The following SLC66A2 variants were observed in gnomAD, a reference collection of about 807,000 sequenced individuals.
SLC66A2 encodes the protein solute carrier family 66 member 2.
A neutral mutation model predicts 25.5 loss-of-function variants in SLC66A2; 23 were observed. The observed-to-expected ratio is 0.90, with a 90% CI of 0.65 to 1.28. The LOEUF is 1.28. Among genes scored for constraint, SLC66A2 ranks in the 50% most tolerant of loss-of-function variants. The probability of loss-of-function intolerance (pLI) is 0.00; values close to 1 mark genes in which losing one functional copy is unlikely to be tolerated. For missense variants in SLC66A2, 396 were observed against 373.1 expected, an observed-to-expected ratio of 1.06 and a Z score of -0.51; for synonymous variants, 193 against 166.5, an observed-to-expected ratio of 1.16 and a Z score of -1.23.
At position 79,940,329 on chromosome 18, in the gene SLC66A2, G is replaced by A. The variant is rs151152431; in HGVS notation, c.337+3000C>T. ...GAAATAATCTGCACACTGGCCGGGC[G>A]CAGTGGGTCACGCCCGTAATGCCAG... On this transcript the variant is annotated intron_variant, in intron 3 of 5. Coordinates refer to ENST00000397778, the MANE Select transcript of SLC66A2 (RefSeq NM_025078.5). The surrounding 1 kb of genome is among the most constrained non-coding windows in gnomAD (Gnocchi z 4.1). 0.013 allele frequency among the ~76,000 whole-genome samples: 1,919 copies of A among 152,210 alleles called. 12 individuals carry two copies. Among genetic ancestry groups the A allele is most frequent in the Non-Finnish European group, 0.021 (1,448 of 67,992 alleles).
chr18:79,927,535 C>A lies in SLC66A2; in HGVS notation c.391+6434G>T, dbSNP rs180984445. 9.7e-4 allele frequency among the ~76,000 whole-genome samples: 147 copies of A among 152,318 alleles called. 2 individuals carry two copies. In the South Asian group the frequency reaches 0.019, roughly 20 times the overall value. ...TAGCCTTCGAGGCCGGCACTGGCCT[C>A]GCTGACCCCTCTAATCCTGCCACCT... On this transcript the variant is annotated intron_variant, in intron 4 of 5. Transcript: ENST00000397778. This position sits in a 1 kb window ranked among gnomAD's most constrained non-coding sequence, Gnocchi z 6.2.
At chr18:79,942,107 G>A (rs901015559) in intron 3 of SLC66A2, among the ~76,000 whole-genome samples, 7 of 152,214 alleles carry the variant, frequency 4.6e-5, no homozygotes, top group Non-Finnish European at 1.0e-4. Flanking sequence ...ATGTAAAACC[G>A]CAGCTCCTCA....
chr18:79,930,253 C>G (rs1986430692), intron 4 of SLC66A2: 2 of 152,032 alleles, frequency 1.3e-5, no homozygotes, highest in African/African-American at 4.8e-5. Context: ...AGATTAACAG[C>G]TGACTTCTCA....
chr18:79,919,051 C>G lies in SLC66A2; in HGVS notation c.608+133G>C. The G allele has an allele frequency of 6.0e-6, 5 of 831,444 alleles. No individual in the cohort carries two copies. The South Asian group carries it at 8.3e-5, about 14-fold the overall frequency. 51.5% of individuals were successfully genotyped at this position (831,444 alleles called of 1,614,324 possible). On this transcript the variant is annotated intron_variant, in intron 5 of 5. Transcript: ENST00000397778. ...GGCCAAGGCCTATAAACCTGCTATT[C>G]TTTAACCGGCAGCTTCACAGGTCAA...
rs1430414349 is a variant in SLC66A2 at position 79,917,270 on chromosome 18, GAAC to G, written c.608+1911_608+1913del. On this transcript the variant is annotated intron_variant, in intron 5 of 5. Transcript: ENST00000397778. This position sits in a 1 kb window ranked among gnomAD's most constrained non-coding sequence, Gnocchi z 6.0. ...GGGGCAGCCCCTGGGCTGAGACCTT[GAAC>G]AACATGCCTGCGCTGAACAGCAAAA... Among the ~76,000 whole-genome samples the G allele has an allele frequency of 6.6e-6, 1 of 152,208 alleles. No homozygotes were observed. Among genetic ancestry groups the G allele is most frequent in the Non-Finnish European group, 1.5e-5 (1 of 68,026 alleles).
chr18:79,922,447 C>G (rs1985360411), intron 4 of SLC66A2, among the ~76,000 whole-genome samples: 2 of 152,092 alleles, frequency 1.3e-5, no homozygotes, highest in Admixed American at 1.3e-4. Context: ...CAGGAAGAGA[C>G]AGAGACCACT....
chr18:79,913,066 T>C (rs1445640674), intron 5 of SLC66A2, among the ~76,000 whole-genome samples: 1 of 152,170 alleles, frequency 6.6e-6, no homozygotes, highest in Non-Finnish European at 1.5e-5. Flanking sequence ...ATGTCCTGGC[T>C]GGACAGGGGC....
rs1319861471 is a variant in SLC66A2 at position 79,919,400 on chromosome 18, T to C, written c.392A>G (p.Asp131Gly). ...VKVAPRRSFLDFDPHHFWQWS... is the reference protein window; with the variant it reads ...VKVAPRRSFLGFDPHHFWQWS... The stretch of plus-strand genomic sequence containing the variant: ...CTGCCAGAAGTGGTGGGGGTCGAAG[T>C]CTAGGGCGAGAGGGAGAAGCAGCCT... The change falls in exon 5 of 6, where the codon GAC becomes GGC. Residue 131 changes from aspartate (D) to glycine (G), a missense_variant and splice_region_variant. Asp to Gly is a moderately conservative substitution (Grantham distance 94). Coordinates refer to ENST00000397778, the MANE Select transcript of SLC66A2 (RefSeq NM_025078.5). The C allele has an allele frequency of 6.2e-7, 1 of 1,612,292 alleles. No individual in the cohort carries two copies. The highest frequency in any genetic ancestry group is 1.3e-5 in the African/African-American group (1 of 74,790).
At chr18:79,943,486 G>A in intron 2 of SLC66A2, 24 bp from the exon 3 acceptor site, 1 of 1,608,584 alleles carries the variant, frequency 6.2e-7, no homozygotes, top group Non-Finnish European at 8.5e-7. Context: ...ACTGTGTCAG[G>A]AGGGAGGTCC....
intron 2 of SLC66A2, 72 bp downstream of exon 2, chr18:79,950,652 C>T (rs2051086724): frequency 9.3e-6 from 14 of 1,504,142 alleles, no homozygotes; most frequent in Non-Finnish European, 1.2e-5. Flanking sequence ...GCTCCCCCGG[C>T]CTCAACCAGA....
intron 4 of SLC66A2, among the ~76,000 whole-genome samples, chr18:79,919,901 G>A (rs184126852): frequency 2.3e-4 from 2 of 8,774 alleles, no homozygotes; most frequent in African/African-American, 2.7e-4. Flanking sequence ...GACAGGAACC[G>A]AGTGAGAGGT....
At chr18:79,907,602 C>T (rs1226642644) in intron 5 of SLC66A2, among the ~76,000 whole-genome samples, 5 of 152,120 alleles carry the variant, frequency 3.3e-5, no homozygotes, top group Admixed American at 2.6e-4. Flanking sequence ...CCACCTACCT[C>T]GGTCTCCCAA....
At chr18:79,919,098 C>T in intron 5 of SLC66A2, 86 bp downstream of exon 5, 2 of 1,206,988 alleles carry the variant, frequency 1.7e-6, no homozygotes, top group Non-Finnish European at 2.4e-6. Context: ...CACAGCCAGA[C>T]ACACAGGCGT....
intron 5 of SLC66A2, among the ~76,000 whole-genome samples, chr18:79,908,269 G>C (rs1442692192): frequency 6.6e-6 from 1 of 151,382 alleles, no homozygotes; most frequent in Admixed American, 6.6e-5. Flanking sequence ...ACTTCGCTTT[G>C]TTTCCTTTCA....
At chr18:79,938,403 A>T (rs970254583) in intron 3 of SLC66A2, among the ~76,000 whole-genome samples, 1 of 152,146 alleles carries the variant, frequency 6.6e-6, no homozygotes, top group African/African-American at 2.4e-5. Context: ...CACCGTGCTG[A>T]TGCCAGCCCT....
intron 5 of SLC66A2, among the ~76,000 whole-genome samples, chr18:79,906,827 A>G (rs1982189432): frequency 6.6e-6 from 1 of 152,180 alleles, no homozygotes; most frequent in Non-Finnish European, 1.5e-5. Context: ...GACCTTATGG[A>G]CTTCCAGGCT....
At position 79,941,132 on chromosome 18, in the gene SLC66A2, C is replaced by G. The variant is rs2144933730; in HGVS notation, c.337+2197G>C. On this transcript the variant is annotated intron_variant, in intron 3 of 5. Coordinates refer to ENST00000397778, the MANE Select transcript of SLC66A2 (RefSeq NM_025078.5). The surrounding 1 kb of genome is among the most constrained non-coding windows in gnomAD (Gnocchi z 4.1). ...TATCTTAATTCTGGAGGCCAGAGGC[C>G]CAGTGGTCTCCTGAACTAAAACCAA... Among the ~76,000 whole-genome samples, 1 of 152,310 alleles carries G rather than the reference C, an allele frequency of 6.6e-6. No homozygotes were observed. Among genetic ancestry groups the G allele is most frequent in the Middle Eastern group, 3.4e-3 (1 of 294 alleles).
At chr18:79,924,380 C>T (rs1200409447) in intron 4 of SLC66A2, among the ~76,000 whole-genome samples, 1 of 152,072 alleles carries the variant, frequency 6.6e-6, no homozygotes, top group African/African-American at 2.4e-5. Flanking sequence ...CCAGCACAGG[C>T]GAGCGCACAG....
At chr18:79,942,780 CCATGTGTG>C (rs1433553081) in intron 3 of SLC66A2, among the ~76,000 whole-genome samples, 1 of 152,184 alleles carries the variant, frequency 6.6e-6, no homozygotes, top group Non-Finnish European at 1.5e-5. Context: ...GGTTAAGGAG[CCATGTGTG>C]CTAAGCATGT....
Sources: gnomAD v4.1 joint callset for allele counts (sites outside exome capture counted in the v4.1 genomes callset) on GRCh38, gnomAD v4.1.1 for gene constraint, Gnocchi (gnomAD v3.1) non-coding constraint, MANE v1.5 for transcripts, NCBI Gene and HGNC (gene_info 2026-07-23, HGNC 2026-07-21) for gene names.